Variants in ZNF680 observed in about 807,000 individuals in gnomAD.
The protein encoded by ZNF680 is hypothetical protein FLJ90430.
In ZNF680, 6 loss-of-function variants were observed where a neutral mutation model predicts 12.1. The observed-to-expected ratio is 0.49, with a 90% CI of 0.27 to 0.98. The LOEUF is 0.98. Ranked by LOEUF, ZNF680 falls within the 50% of genes least tolerant of loss-of-function variation. The pLI, the probability that ZNF680 is intolerant of heterozygous loss-of-function variation, is 0.12. For synonymous variants in ZNF680, 170 were observed against 199.3 expected (o/e 0.85, Z 1.24); for missense variants, 561 against 616.3 (o/e 0.91, Z 0.95).
intron 3 of ZNF680, among the ~76,000 whole-genome samples, chr7:64,533,822 A>G (rs569795151): frequency 6.6e-6 from 1 of 152,338 alleles, no homozygotes; most frequent in Non-Finnish European, 1.5e-5. Context: ...ATCGGCACAT[A>G]GAACAACGGA....
At chr7:64,518,042 T>G (rs1490310947), downstream of ZNF680, among the ~76,000 whole-genome samples, 1 of 152,060 alleles carries the variant, frequency 6.6e-6, no homozygotes, top group Non-Finnish European at 1.5e-5. Context: ...GATGTGTACT[T>G]TCACCATTTT....
the ZNF680 span, chr7:64,501,248 TTCC>T: frequency 1.3e-4 from 116 of 895,818 alleles, no homozygotes; most frequent in Non-Finnish European, 1.9e-4. Flanking sequence ...CCAGCACATT[TTCC>T]TCCTCCTCCT....
intron 3 of ZNF680, among the ~76,000 whole-genome samples, chr7:64,538,615 A>C (rs1284849021): frequency 6.6e-6 from 1 of 152,198 alleles, no homozygotes; most frequent in Non-Finnish European, 1.5e-5. Context: ...AAAACATCAA[A>C]TCAGTTGATG....
At chr7:64,518,914 T>A (rs983786665), downstream of ZNF680, among the ~76,000 whole-genome samples, 4 of 151,724 alleles carry the variant, frequency 2.6e-5, no homozygotes, top group African/African-American at 9.7e-5. Context: ...TGGAAAAACG[T>A]TTCTAGACAT....
chr7:64,559,628 C>A (rs974975528), intron 1 of ZNF680, among the ~76,000 whole-genome samples: 4 of 151,794 alleles, frequency 2.6e-5, no homozygotes, highest in African/African-American at 9.7e-5. Flanking sequence ...TTACAGGTGC[C>A]CACTACCACA....
the ZNF680 span, chr7:64,501,016 G>A: frequency 1.4e-5 from 10 of 695,120 alleles, no homozygotes; most frequent in African/African-American, 5.3e-5. Context: ...GAAATGCCCC[G>A]GCTGCTGTAG....
intron 3 of ZNF680, among the ~76,000 whole-genome samples, chr7:64,540,305 T>C (rs1283624127): frequency 3.6e-5 from 1 of 28,050 alleles, no homozygotes; most frequent in African/African-American, 1.5e-4. Context: ...GATTTATCCT[T>C]TTTTTTTTTT....
intron 3 of ZNF680, among the ~76,000 whole-genome samples, chr7:64,523,892 G>A (rs1298317545): frequency 2.7e-5 from 4 of 149,618 alleles, no homozygotes; most frequent in East Asian, 2.0e-4. Context: ...CAGCCTGGGC[G>A]ACAGAGCGAG....
In ZNF680 at chr7:64,543,798, A is replaced by G. The variant is rs1299264677; in HGVS notation, c.162T>C (p.Ile54=). 6.2e-7 allele frequency: 1 copy of G among 1,612,224 alleles called. No individual in the cohort carries two copies. The highest frequency in any genetic ancestry group is 8.5e-7 in the Non-Finnish European group (1 of 1,179,054). Residue 54 remains isoleucine (I), a synonymous_variant, in exon 3 of 4, where the codon ATT becomes ATC. Transcript: ENST00000309683. ...TTATCAGGTGAGGCTTAGAGACAGC[A>G]ATACCTGTTTTATTAAAAATAAATA... ...ENYRNLVFLG[I]AVSKPHLITC...
intron 1 of ZNF680, among the ~76,000 whole-genome samples, chr7:64,546,935 T>C (rs774080622): frequency 2.6e-5 from 4 of 152,056 alleles, no homozygotes; most frequent in Non-Finnish European, 4.4e-5. Flanking sequence ...GAACCCCTCA[T>C]ACTTGACTCT....
At chr7:64,514,625 C>T in the ZNF680 span, among the ~76,000 whole-genome samples, 1 of 151,868 alleles carries the variant, frequency 6.6e-6, no homozygotes, top group Non-Finnish European at 1.5e-5. Flanking sequence ...AATAAACTCA[C>T]CACTCATTAA....
At chr7:64,545,028 G>A (rs1375424794) in intron 1 of ZNF680, among the ~76,000 whole-genome samples, 1 of 152,092 alleles carries the variant, frequency 6.6e-6, no homozygotes, top group Non-Finnish European at 1.5e-5. Flanking sequence ...GGAGGCCGAG[G>A]CAGGCGGATC....
At chr7:64,501,555 G>A in the ZNF680 span, 1 of 762,552 alleles carries the variant, frequency 1.3e-6, no homozygotes, top group Admixed American at 1.8e-5. Context: ...GAAGAAAAAT[G>A]AGATTAATGT....
rs571469079 is a variant in ZNF680 at position 64,529,648 on chromosome 7, A to G, written c.254-7148T>C. Among the ~76,000 whole-genome samples the G allele has an allele frequency of 2.6e-5, 4 of 152,256 alleles. No homozygotes were observed. In the East Asian group the frequency reaches 7.7e-4, roughly 29 times the overall value. ...CAAAGCCTCCAAGAAGTCTGGGATTATGTTAAATGACCACACCTAAGAATA... is the reference window on the plus strand; with the variant it reads ...CAAAGCCTCCAAGAAGTCTGGGATTGTGTTAAATGACCACACCTAAGAATA... On this transcript the variant is annotated intron_variant, in intron 3 of 3. Coordinates refer to ENST00000309683, the MANE Select transcript of ZNF680 (RefSeq NM_178558.5).
rs763330288 is a variant in ZNF680 at position 64,521,849 on chromosome 7, G to T, written c.905C>A (p.Ala302Asp). 2.5e-6 allele frequency: 4 copies of T among 1,613,166 alleles called. No individual in the cohort carries two copies. In the South Asian group the frequency reaches 4.4e-5, roughly 18 times the overall value. ...KPYKCDECHK[A>D]FNWFATLTNH... ...AGTAAGGGTTGCAAACCAGTTAAAG[G>T]CTTTGTGACATTCATCACATTTGTA... is the stretch of plus-strand genomic sequence containing the variant. Residue 302 changes from alanine to aspartate, a missense_variant, in exon 4 of 4, where the codon GCC becomes GAC. Ala to Asp is a moderately radical substitution (Grantham distance 126). Coordinates refer to ENST00000309683, the MANE Select transcript of ZNF680 (RefSeq NM_178558.5).
At chr7:64,515,363 G>A (rs1050983539), downstream of ZNF680, among the ~76,000 whole-genome samples, 2 of 151,578 alleles carry the variant, frequency 1.3e-5, no homozygotes, top group Non-Finnish European at 2.9e-5. Context: ...CCTAGCTACT[G>A]TTCCCTACAC....
chr7:64,559,275 A>G (rs967368999), intron 1 of ZNF680, among the ~76,000 whole-genome samples: 3 of 152,048 alleles, frequency 2.0e-5, no homozygotes, highest in African/African-American at 7.2e-5. Context: ...GCAATTTTTG[A>G]TATTACCGAA....
chr7:64,504,659 CCT>C, the ZNF680 span, among the ~76,000 whole-genome samples: 8 of 152,224 alleles, frequency 5.3e-5, no homozygotes, highest in East Asian at 1.2e-3. Flanking sequence ...CAGTATTCAC[CCT>C]GAGTCACTCA....
chr7:64,499,692 G>A, the ZNF680 span, among the ~76,000 whole-genome samples: 2 of 152,136 alleles, frequency 1.3e-5, no homozygotes, highest in African/African-American at 4.8e-5. Flanking sequence ...TGCAGTGAGC[G>A]GAGACCACGC....
Sources: allele counts gnomAD v4.1 joint callset (sites outside exome capture counted in the v4.1 genomes callset), GRCh38; gene constraint gnomAD v4.1.1; transcripts MANE v1.5; gene names NCBI Gene and HGNC (gene_info 2026-07-23, HGNC 2026-07-21).